The following MACROD2 variants were observed in gnomAD, a reference collection of about 807,000 sequenced individuals.
The protein encoded by MACROD2 is mono-ADP ribosylhydrolase 2.
In MACROD2, 36 loss-of-function variants were observed where a neutral mutation model predicts 70.4. That is an observed-to-expected ratio of 0.51 (90% CI 0.39 to 0.68). MACROD2 has a LOEUF of 0.68. Ranked by LOEUF, MACROD2 falls within the 30% of genes least tolerant of loss-of-function variation. The pLI is 0.00. For synonymous variants in MACROD2, 172 were observed against 178.8 expected (o/e 0.96, Z 0.30); for missense variants, 496 against 538.4 (o/e 0.92, Z 0.78).
intron 8 of MACROD2, among the ~76,000 whole-genome samples, chr20:15,741,437 C>T (rs2051105324): frequency 6.6e-6 from 1 of 151,984 alleles, no homozygotes; most frequent in Non-Finnish European, 1.5e-5. Flanking sequence ...CTGATATTGC[C>T]TCACCTCACA....
chr20:14,984,028 A>G (rs916449427), intron 5 of MACROD2, among the ~76,000 whole-genome samples: 1 of 152,276 alleles, frequency 6.6e-6, no homozygotes, highest in East Asian at 1.9e-4. Context: ...CCCTCCTGCT[A>G]TTAAGGTTAG....
At chr20:15,380,125 T>G (rs983978590) in intron 6 of MACROD2, among the ~76,000 whole-genome samples, 2 of 152,152 alleles carry the variant, frequency 1.3e-5, no homozygotes, top group African/African-American at 4.8e-5. Context: ...AGATCTTCTC[T>G]GACAACATAT....
At chr20:15,788,234 C>G (rs1388708440) in intron 8 of MACROD2, among the ~76,000 whole-genome samples, 2 of 152,106 alleles carry the variant, frequency 1.3e-5, no homozygotes, top group Admixed American at 6.6e-5. Flanking sequence ...TAGAAAACAC[C>G]TGGAAATGCC....
chr20:14,912,224 C>T (rs1324461945), intron 5 of MACROD2, among the ~76,000 whole-genome samples: 1 of 152,172 alleles, frequency 6.6e-6, no homozygotes, highest in Admixed American at 6.5e-5. Flanking sequence ...AGCTTTGACT[C>T]ATTGTCACCT....
intron 5 of MACROD2, among the ~76,000 whole-genome samples, chr20:15,135,847 G>A (rs1179915914): frequency 6.6e-6 from 1 of 150,660 alleles, no homozygotes; most frequent in Admixed American, 6.6e-5. Context: ...TCCTTAAGCT[G>A]ATAAGCAACT....
intron 3 of MACROD2, among the ~76,000 whole-genome samples, chr20:14,330,346 G>C (rs1453259940): frequency 2.0e-5 from 3 of 151,970 alleles, no homozygotes; most frequent in Admixed American, 6.6e-5. Flanking sequence ...CTGATACTTT[G>C]TATATATGTA....
At chr20:14,389,722 T>C (rs966343687) in intron 3 of MACROD2, among the ~76,000 whole-genome samples, 2 of 152,168 alleles carry the variant, frequency 1.3e-5, no homozygotes, top group Non-Finnish European at 2.9e-5. Context: ...GTACAATCTA[T>C]TAGTGTTAAA....
At chr20:14,585,613 G>T (rs754758423) in intron 4 of MACROD2, among the ~76,000 whole-genome samples, 1 of 151,884 alleles carries the variant, frequency 6.6e-6, no homozygotes, top group Non-Finnish European at 1.5e-5. Flanking sequence ...ATTTGCTCAG[G>T]TAACTACTGC....
At chr20:15,884,447 C>T (rs2064796823) in intron 9 of MACROD2, among the ~76,000 whole-genome samples, 1 of 152,022 alleles carries the variant, frequency 6.6e-6, no homozygotes, top group Non-Finnish European at 1.5e-5. Flanking sequence ...GTGTTTGGAA[C>T]CAGGTATCAT....
At chr20:14,729,338 TGAC>T (rs1441095697) in intron 5 of MACROD2, among the ~76,000 whole-genome samples, 44 of 152,206 alleles carry the variant, frequency 2.9e-4, no homozygotes, top group Admixed American at 2.9e-3. Flanking sequence ...CTAGATATGT[TGAC>T]AATCCTTTTA....
chr20:15,003,502 T>C (rs1158271432), intron 5 of MACROD2, among the ~76,000 whole-genome samples: 3 of 152,194 alleles, frequency 2.0e-5, no homozygotes, highest in Non-Finnish European at 4.4e-5. Flanking sequence ...GGACAATTAG[T>C]ATGGTAGAAT....
At chr20:15,990,507 A>G (rs1259191003) in intron 15 of MACROD2, among the ~76,000 whole-genome samples, 6 of 152,172 alleles carry the variant, frequency 3.9e-5, no homozygotes, top group Non-Finnish European at 8.8e-5. Context: ...TTTGGTCCCA[A>G]TAATTTTTCA....
At chr20:14,904,266 G>T (rs1193911005) in intron 5 of MACROD2, among the ~76,000 whole-genome samples, 1 of 152,084 alleles carries the variant, frequency 6.6e-6, no homozygotes, top group African/African-American at 2.4e-5. Flanking sequence ...AATTTTACTT[G>T]TATTCTAATC....
chr20:14,796,373 T>C (rs2072510101), intron 5 of MACROD2, among the ~76,000 whole-genome samples: 1 of 152,064 alleles, frequency 6.6e-6, no homozygotes, highest in Admixed American at 6.6e-5. Context: ...GTAACCACCG[T>C]AGGACAGACA....
At chr20:14,832,575 G>T (rs1466134855) in intron 5 of MACROD2, among the ~76,000 whole-genome samples, 3 of 152,152 alleles carry the variant, frequency 2.0e-5, no homozygotes, top group African/African-American at 7.2e-5. Flanking sequence ...TACCTCTTTG[G>T]GGTGCCCCAC....
intron 8 of MACROD2, among the ~76,000 whole-genome samples, chr20:15,782,578 G>T (rs1024471535): frequency 2.0e-5 from 3 of 151,842 alleles, no homozygotes; most frequent in African/African-American, 7.3e-5. Flanking sequence ...AGTGGAAGCT[G>T]CTAATGCTCT....
chr20:14,768,818 A>G (rs567715529), intron 5 of MACROD2, among the ~76,000 whole-genome samples: 14 of 152,216 alleles, frequency 9.2e-5, no homozygotes, highest in Admixed American at 1.3e-4. Context: ...TTGATTGCAC[A>G]TATTCCTGAG....
At chr20:14,578,156 TATATA>T (rs1302452762) in intron 4 of MACROD2, among the ~76,000 whole-genome samples, 2 of 150,724 alleles carry the variant, frequency 1.3e-5, no homozygotes, top group African/African-American at 4.9e-5. Context: ...ATATATATAA[TATATA>T]TTATATTTTA....
intron 8 of MACROD2, among the ~76,000 whole-genome samples, chr20:15,574,608 A>G (rs914949241): frequency 6.6e-6 from 1 of 152,130 alleles, no homozygotes. Context: ...TTAAATTTCT[A>G]TCATTTCAGC....
Sources: allele counts gnomAD v4.1 joint callset (sites outside exome capture counted in the v4.1 genomes callset), GRCh38; gene constraint gnomAD v4.1.1; transcripts MANE v1.5; gene names NCBI Gene and HGNC (gene_info 2026-07-23, HGNC 2026-07-21).